The following ADAMTS9 variants were observed in gnomAD, a reference collection of about 807,000 sequenced individuals.
ADAMTS9 encodes the protein ADAM metallopeptidase with thrombospondin type 1 motif 9.
Under a neutral mutation model 257.1 loss-of-function variants are expected in ADAMTS9, and 107 were observed. The ratio of observed to expected loss-of-function variants is 0.42; its 90% CI spans 0.36 to 0.49. The LOEUF is 0.49. Among genes scored for constraint, ADAMTS9 ranks in the 20% least tolerant of loss-of-function variants. The pLI is 0.03. For synonymous variants in ADAMTS9, 982 were observed against 880.9 expected, an observed-to-expected ratio of 1.11 and a Z score of -2.03; for missense variants, 2,353 against 2,469.1, an observed-to-expected ratio of 0.95 and a Z score of 1.00.
At position 64,676,939 on chromosome 3, in the gene ADAMTS9, C is replaced by G. The variant is rs144218727; in HGVS notation, c.679+4262G>C. Among the ~76,000 whole-genome samples the G allele has an allele frequency of 2.8e-3, 419 of 152,324 alleles. 3 individuals carry two copies. The highest frequency in any genetic ancestry group is 4.8e-3 in the Admixed American group (73 of 15,306). On this transcript the variant is annotated intron_variant, in intron 3 of 39. Transcript: ENST00000498707. ...CAGGCAAACAAAACAGCCTTCTTCC[C>G]TGCCTTTCTCTCACCCACCTACCAG... is the stretch of plus-strand genomic sequence containing the variant.
intron 38 of ADAMTS9, among the ~76,000 whole-genome samples, chr3:64,528,580 T>A (rs1047775509): frequency 6.6e-6 from 1 of 152,068 alleles, no homozygotes; most frequent in Non-Finnish European, 1.5e-5. Flanking sequence ...GTGGCAGCCA[T>A]GTGGACAGGC....
In ADAMTS9 at chr3:64,686,614, T is replaced by G; in HGVS notation, c.470A>C (p.Asn157Thr). 2.5e-6 allele frequency: 4 copies of G among 1,613,826 alleles called. No homozygotes were observed. Among genetic ancestry groups the G allele is most frequent in the Non-Finnish European group, 3.4e-6 (4 of 1,179,936 alleles). Residue 157 changes from asparagine (N) to threonine (T), a missense_variant, in exon 2 of 40, where the codon AAT becomes ACT. This residue lies in a region of ADAMTS9 where 591 missense variants were observed against 569.6 expected (regional missense o/e 1.04). Transcript: ENST00000498707. This position sits in a 1 kb window ranked among gnomAD's most constrained non-coding sequence, Gnocchi z 4.6. ...GACGGCCGTGTGCTCGGAGTTGGTATTGACATAGCCTTTGTAGAAACAGTG... is the reference window on the plus strand; with the variant it reads ...GACGGCCGTGTGCTCGGAGTTGGTAGTGACATAGCCTTTGTAGAAACAGTG... ...LKHCFYKGYV[N>T]TNSEHTAVIS...
intron 38 of ADAMTS9, among the ~76,000 whole-genome samples, chr3:64,526,462 T>A (rs2082911626): frequency 6.6e-6 from 1 of 152,238 alleles, no homozygotes; most frequent in African/African-American, 2.4e-5. Context: ...TCCTCCCACC[T>A]GGTCTTGGTT....
intron 28 of ADAMTS9, among the ~76,000 whole-genome samples, chr3:64,580,054 C>T (rs578209208): frequency 6.6e-6 from 1 of 152,204 alleles, no homozygotes; most frequent in East Asian, 1.9e-4. Context: ...AATGTTGTTT[C>T]CTCTCCCTGA....
intron 28 of ADAMTS9, among the ~76,000 whole-genome samples, chr3:64,577,779 G>A (rs2083890577): frequency 6.6e-6 from 1 of 152,194 alleles, no homozygotes; most frequent in African/African-American, 2.4e-5. Flanking sequence ...AAATGCTTCT[G>A]TAGAGAAGTG....
chr3:64,591,125 C>A (rs1438500478), intron 28 of ADAMTS9, among the ~76,000 whole-genome samples: 1 of 152,136 alleles, frequency 6.6e-6, no homozygotes, highest in African/African-American at 2.4e-5. Flanking sequence ...CAGGAGTCAA[C>A]TGAAAGGCAT....
intron 28 of ADAMTS9, chr3:64,589,365 C>G (rs547445076): frequency 2.0e-5 from 3 of 152,198 alleles, no homozygotes; most frequent in Admixed American, 6.5e-5. Flanking sequence ...TAAACAGGAA[C>G]CTAAAAGTTC....
At chr3:64,612,254 G>C (rs1476272808) in intron 22 of ADAMTS9, among the ~76,000 whole-genome samples, 3 of 152,174 alleles carry the variant, frequency 2.0e-5, no homozygotes, top group Non-Finnish European at 4.4e-5. Context: ...GCCTGGTGTA[G>C]AGACAGATGA....
chr3:64,561,065 C>CTTTTT (rs57577807), intron 30 of ADAMTS9, among the ~76,000 whole-genome samples: 4 of 83,668 alleles, frequency 4.8e-5, no homozygotes, highest in Admixed American at 1.0e-4. Context: ...AGATACCATC[C>CTTTTT]TTTTTTTTTT....
At chr3:64,640,338 G>A (rs182075199) in intron 12 of ADAMTS9, among the ~76,000 whole-genome samples, 182 of 152,332 alleles carry the variant, frequency 1.2e-3, no homozygotes, top group Admixed American at 3.7e-3. Flanking sequence ...ACACAATTCA[G>A]ATTTTTCATA....
At chr3:64,517,948 G>T (rs2082801412) in intron 39 of ADAMTS9, among the ~76,000 whole-genome samples, 1 of 152,050 alleles carries the variant, frequency 6.6e-6, no homozygotes, top group Non-Finnish European at 1.5e-5. Flanking sequence ...CTCTAGGTGG[G>T]TACATGATCT....
At chr3:64,559,058 G>A (rs954113224) in intron 30 of ADAMTS9, among the ~76,000 whole-genome samples, 1 of 152,168 alleles carries the variant, frequency 6.6e-6, no homozygotes, top group African/African-American at 2.4e-5. Flanking sequence ...CTTATCAAGT[G>A]ACCACCCAGT....
chr3:64,586,861 A>G (rs560013111), intron 28 of ADAMTS9: 2 of 152,258 alleles, frequency 1.3e-5, no homozygotes, highest in African/African-American at 2.4e-5. Flanking sequence ...ACTGGGTTCA[A>G]TGAATATGAA....
intron 12 of ADAMTS9, among the ~76,000 whole-genome samples, chr3:64,634,363 A>G (rs1576142918): frequency 6.6e-6 from 1 of 151,938 alleles, no homozygotes; most frequent in African/African-American, 2.4e-5. Context: ...GTTCCCTCAC[A>G]CCTCCATTCA....
intron 31 of ADAMTS9, among the ~76,000 whole-genome samples, chr3:64,548,041 C>A (rs2083225481): frequency 6.6e-6 from 1 of 152,084 alleles, no homozygotes; most frequent in Admixed American, 6.5e-5. Context: ...GGGATAAATA[C>A]CCCAAAACAG....
intron 8 of ADAMTS9, among the ~76,000 whole-genome samples, chr3:64,652,294 A>G (rs1700950506): frequency 6.6e-6 from 1 of 152,198 alleles, no homozygotes; most frequent in Admixed American, 6.5e-5. Context: ...CTTTTTCTTT[A>G]AAGTTTATGC....
At position 64,637,926 on chromosome 3, in the gene ADAMTS9, C is replaced by T. The variant is rs187915121; in HGVS notation, c.1856+3922G>A. Among the ~76,000 whole-genome samples the T allele has an allele frequency of 8.5e-5, 13 of 152,272 alleles. No individual in the cohort carries two copies. In the East Asian group the frequency reaches 1.9e-3, roughly 23 times the overall value. On this transcript the variant is annotated intron_variant, in intron 12 of 39. Transcript: ENST00000498707. ...CCACAGTAACCAATTCTCAACATTT[C>T]GAAACAACTTCATCCAAACTGAGTG...
At chr3:64,615,516 T>G in intron 20 of ADAMTS9, 31 bp from the exon 21 acceptor site, 1 of 1,576,524 alleles carries the variant, frequency 6.3e-7, no homozygotes, top group Middle Eastern at 1.8e-4. Context: ...AATAAAACTG[T>G]TGCTAAGTTT....
At chr3:64,640,215 G>A (rs1342585146) in intron 12 of ADAMTS9, among the ~76,000 whole-genome samples, 2 of 152,278 alleles carry the variant, frequency 1.3e-5, no homozygotes, top group Non-Finnish European at 2.9e-5. Flanking sequence ...CATGAAATAA[G>A]GTTGGGTTAT....
Sources: gnomAD v4.1 joint callset for allele counts (sites outside exome capture counted in the v4.1 genomes callset) on GRCh38, gnomAD v4.1.1 for gene constraint, gnomAD v4.1.1 regional missense constraint, Gnocchi (gnomAD v3.1) non-coding constraint, MANE v1.5 for transcripts, NCBI Gene and HGNC (gene_info 2026-07-23, HGNC 2026-07-21) for gene names.